The following FAM120A variants were observed in gnomAD, a reference collection of about 807,000 sequenced individuals.
FAM120A encodes family with sequence similarity 120 member A.
A neutral mutation model predicts 109.7 loss-of-function variants in FAM120A; 15 were observed. That is an observed-to-expected ratio of 0.14 (90% CI 0.09 to 0.21). The LOEUF (loss-of-function observed/expected upper bound fraction) is 0.21. Among genes scored for constraint, FAM120A ranks in the 10% least tolerant of loss-of-function variants. The probability of loss-of-function intolerance (pLI) is 1.00; values close to 1 mark genes in which losing one functional copy is unlikely to be tolerated. For synonymous variants in FAM120A, 493 were observed against 572.8 expected, an observed-to-expected ratio of 0.86 and a Z score of 1.99; for missense variants, 899 against 1,439.3, an observed-to-expected ratio of 0.62 and a Z score of 6.07.
At position 93,476,219 on chromosome 9, in the gene FAM120A, G is replaced by A. The variant is rs1858542698; in HGVS notation, c.722-37G>A. The A allele has an allele frequency of 2.8e-6, 4 of 1,417,988 alleles. No individual in the cohort carries two copies. The South Asian group carries it at 4.6e-5, about 16-fold the overall frequency. The allele number at this position is 1,417,988 out of a possible 1,614,324, so 87.8% of individuals were successfully genotyped here. A position where few individuals can be genotyped will look rare whatever the true frequency, so the allele number is the denominator to read the frequency against. Reference sequence around the variant, plus strand: ...TTGAAAGTTTCCCTATGTTACTTAAGATGATTGCTTTTATGTTATCCATGT... The same window carrying A: ...TTGAAAGTTTCCCTATGTTACTTAAAATGATTGCTTTTATGTTATCCATGT... On this transcript the variant is annotated intron_variant, in intron 2 of 17. Transcript: ENST00000277165.
At position 93,532,372 on chromosome 9, in the gene FAM120A, C is replaced by T. The variant is rs1861361433; in HGVS notation, c.1909+43C>T. On this transcript the variant is annotated intron_variant, in intron 10 of 17. Transcript: ENST00000277165. This position sits in a 1 kb window ranked among gnomAD's most constrained non-coding sequence, Gnocchi z 4.3. ...CCATTGTTTGTTTTCCTCGGTACCT[C>T]GTAATCTCTTGTGCATTTTCTAAAG... 4 of 1,597,958 alleles carry T rather than the reference C, an allele frequency of 2.5e-6. No individual in the cohort carries two copies. Among genetic ancestry groups the T allele is most frequent in the African/African-American group, 1.3e-5 (1 of 74,698 alleles).
Position 93,452,459 on chromosome 9 carries a change from C to T in FAM120A, c.474+70C>T, listed in dbSNP as rs1857290295. The T allele has an allele frequency of 1.9e-6, 3 of 1,550,746 alleles. No homozygotes were observed. The highest frequency in any genetic ancestry group is 2.6e-6 in the Non-Finnish European group (3 of 1,151,172). ...CACCCCTATCCCCCTTCCCAGGGCG[C>T]AGAATGTCGCCCGGCCGTGGCGGCG... On this transcript the variant is annotated intron_variant, in intron 1 of 17. Transcript: ENST00000277165. The surrounding 1 kb of genome is among the most constrained non-coding windows in gnomAD (Gnocchi z 7.0).
At chr9:93,527,397 G>GCTA (rs1184491537) in intron 8 of FAM120A, among the ~76,000 whole-genome samples, 155 bp downstream of exon 8, 5 of 152,110 alleles carry the variant, frequency 3.3e-5, no homozygotes, top group African/African-American at 7.2e-5. Flanking sequence ...AGAGTTCAGA[G>GCTA]CTATGCCCAA....
chr9:93,508,177 T>G (rs1860148977), intron 5 of FAM120A, among the ~76,000 whole-genome samples: 3 of 152,092 alleles, frequency 2.0e-5, no homozygotes, highest in Admixed American at 1.3e-4. Context: ...TGAGGGCATA[T>G]GTGTAGAGCA....
At chr9:93,527,033 T>G in intron 7 of FAM120A, 122 bp from the exon 8 acceptor site, 2 of 705,078 alleles carry the variant, frequency 2.8e-6, no homozygotes, top group Non-Finnish European at 4.9e-6. Context: ...TATTTCTCGA[T>G]GTTGTGTTTA....
chr9:93,461,671 A>G (rs770010043), intron 1 of FAM120A, among the ~76,000 whole-genome samples: 1 of 152,130 alleles, frequency 6.6e-6, no homozygotes, highest in African/African-American at 2.4e-5. Flanking sequence ...TTCTTTTATG[A>G]CATCACTCCT....
intron 10 of FAM120A, among the ~76,000 whole-genome samples, chr9:93,533,087 A>G (rs1358971022): frequency 6.6e-6 from 1 of 152,232 alleles, no homozygotes; most frequent in African/African-American, 2.4e-5. Flanking sequence ...TTGGAAATAC[A>G]GAAAAGAATC....
intron 2 of FAM120A, among the ~76,000 whole-genome samples, chr9:93,474,662 C>T (rs560045215): frequency 1.1e-4 from 17 of 151,680 alleles, no homozygotes; most frequent in Admixed American, 2.6e-4. Context: ...GGCATGATCT[C>T]GCCTCACTGC....
At chr9:93,547,562 T>C (rs1254355596) in intron 11 of FAM120A, among the ~76,000 whole-genome samples, 1 of 152,176 alleles carries the variant, frequency 6.6e-6, no homozygotes, top group Non-Finnish European at 1.5e-5. Flanking sequence ...CCCCCACCCT[T>C]CTGTGGTAAG....
At chr9:93,454,322 C>T (rs1347609422) in intron 1 of FAM120A, among the ~76,000 whole-genome samples, 1 of 152,130 alleles carries the variant, frequency 6.6e-6, no homozygotes, top group Non-Finnish European at 1.5e-5. Flanking sequence ...AGCTGGCAAC[C>T]TTACCTTTTT....
intron 7 of FAM120A, among the ~76,000 whole-genome samples, chr9:93,521,922 A>G (rs1219415145): frequency 6.6e-6 from 1 of 152,186 alleles, no homozygotes; most frequent in African/African-American, 2.4e-5. Context: ...CTACCAAAAA[A>G]TACAAAAATT....
At chr9:93,554,175 ACACACT>A (rs1862209285) in intron 12 of FAM120A, among the ~76,000 whole-genome samples, 1 of 147,730 alleles carries the variant, frequency 6.8e-6, no homozygotes, top group African/African-American at 2.6e-5. Context: ...ACACACACAC[ACACACT>A]AGCCTTGCTG....
chr9:93,513,993 C>T lies in FAM120A; in HGVS notation c.1031-1674C>T, dbSNP rs1860455780. 3.3e-5 allele frequency among the ~76,000 whole-genome samples: 5 copies of T among 152,160 alleles called. No homozygotes were observed. The South Asian group carries it at 1.0e-3, about 32-fold the overall frequency. On this transcript the variant is annotated intron_variant, in intron 5 of 17. Transcript: ENST00000277165. ...TGTTCCCCTTGCCTGGTGTTTTCCTCTGATTTCATACTGCTATAAAGAACT... is the reference window on the plus strand; with the variant it reads ...TGTTCCCCTTGCCTGGTGTTTTCCTTTGATTTCATACTGCTATAAAGAACT...
chr9:93,535,575 T>C (rs1861485125), intron 10 of FAM120A, among the ~76,000 whole-genome samples: 1 of 152,226 alleles, frequency 6.6e-6, no homozygotes, highest in Non-Finnish European at 1.5e-5. Context: ...GAGACCTTAC[T>C]CAGTACTGTA....
Position 93,556,532 on chromosome 9 carries a change from T to G in FAM120A, c.2425T>G (p.Ser809Ala), listed in dbSNP as rs1862286507. 1 of 1,614,076 alleles carries G rather than the reference T, an allele frequency of 6.2e-7. No homozygotes were observed. The highest frequency in any genetic ancestry group is 1.7e-5 in the Admixed American group (1 of 60,002). The change falls in exon 13 of 18, where the codon TCC becomes GCC. Residue 809 changes from serine to alanine, a missense_variant. Coordinates refer to ENST00000277165, the MANE Select transcript of FAM120A (RefSeq NM_014612.5). ...GTATTTTGATGGGAAGCTCTTCCAATCCAAACTCCTCAAAGCCAGCCGGGA... is the reference window on the plus strand; with the variant it reads ...GTATTTTGATGGGAAGCTCTTCCAAGCCAAACTCCTCAAAGCCAGCCGGGA... ...WMYFDGKLFQ[S>A]KLLKASREKT...
chr9:93,546,742 C>T (rs952570703), intron 11 of FAM120A, among the ~76,000 whole-genome samples: 1 of 152,254 alleles, frequency 6.6e-6, no homozygotes, highest in Non-Finnish European at 1.5e-5. Flanking sequence ...AATGAATGGG[C>T]ACGGCCATGC....
At chr9:93,560,454 T>C (rs959791205) in intron 15 of FAM120A, among the ~76,000 whole-genome samples, 4 of 152,270 alleles carry the variant, frequency 2.6e-5, no homozygotes, top group African/African-American at 9.6e-5. Flanking sequence ...TGGACAGTGC[T>C]GAATTGCCAC....
intron 2 of FAM120A, among the ~76,000 whole-genome samples, chr9:93,473,165 C>T (rs1858387018): frequency 6.6e-6 from 1 of 151,694 alleles, no homozygotes; most frequent in Admixed American, 6.6e-5. Flanking sequence ...TACAGGCGCC[C>T]ACCACCACGC....
chr9:93,481,656 C>T (rs548570190), intron 3 of FAM120A, among the ~76,000 whole-genome samples: 14 of 152,306 alleles, frequency 9.2e-5, no homozygotes, highest in Admixed American at 9.2e-4. Flanking sequence ...CTTTTGCCTC[C>T]TTGTCTGGGA....
Sources: allele counts gnomAD v4.1 joint callset (sites outside exome capture counted in the v4.1 genomes callset), GRCh38; gene constraint gnomAD v4.1.1; non-coding constraint Gnocchi (gnomAD v3.1); transcripts MANE v1.5; gene names NCBI Gene and HGNC (gene_info 2026-07-23, HGNC 2026-07-21).